The following TP53BP1 variants were observed in gnomAD, a reference collection of about 807,000 sequenced individuals.
The protein encoded by TP53BP1 is tumor protein p53 binding protein 1.
A neutral mutation model predicts 200.8 loss-of-function variants in TP53BP1; 61 were observed. The observed-to-expected ratio is 0.30, with a 90% CI of 0.25 to 0.38. The LOEUF is 0.38. Among genes scored for constraint, TP53BP1 ranks in the 10% least tolerant of loss-of-function variants. The probability of loss-of-function intolerance (pLI) is 1.00; values close to 1 mark genes in which losing one functional copy is unlikely to be tolerated. For synonymous variants in TP53BP1, 822 were observed against 844.3 expected (o/e 0.97, Z 0.46); for missense variants, 2,144 against 2,371.9 (o/e 0.90, Z 2.00).
chr15:43,468,826 G>A (rs183333755), intron 11 of TP53BP1, among the ~76,000 whole-genome samples: 2 of 152,266 alleles, frequency 1.3e-5, no homozygotes, highest in East Asian at 1.9e-4. Flanking sequence ...AGCCAGGAGC[G>A]AGTCCAGGAA....
In TP53BP1 at chr15:43,474,661, A is replaced by C. The variant is rs1278861197; in HGVS notation, c.1180+12T>G. 1.9e-6 allele frequency: 3 copies of C among 1,583,620 alleles called. No homozygotes were observed. Among genetic ancestry groups the C allele is most frequent in the Non-Finnish European group, 2.6e-6 (3 of 1,153,356 alleles). On this transcript the variant is annotated intron_variant, in intron 10 of 27. Coordinates refer to ENST00000382044, the MANE Select transcript of TP53BP1 (RefSeq NM_001141980.3). ...CTAATCTGAGATCAACAGACAGATC[A>C]AGAGAGCTCACCTTGTCTCCCTTCT...
intron 27 of TP53BP1, 96 bp from the exon 28 acceptor site, chr15:43,407,666 G>T: frequency 8.2e-7 from 1 of 1,212,674 alleles, no homozygotes; most frequent in Non-Finnish European, 1.1e-6. Flanking sequence ...ATCCCACTCT[G>T]CACAAACCAA....
At chr15:43,432,704 A>G (rs2045700532) in intron 16 of TP53BP1, 27 bp from the exon 17 acceptor site, 2 of 1,578,108 alleles carry the variant, frequency 1.3e-6, no homozygotes, top group South Asian at 1.2e-5. Context: ...TAAAGAAGCC[A>G]TGTCAATTAA....
At chr15:43,443,188 G>A (rs995968606) in intron 14 of TP53BP1, among the ~76,000 whole-genome samples, 2 of 151,276 alleles carry the variant, frequency 1.3e-5, no homozygotes, top group African/African-American at 4.9e-5. Flanking sequence ...GCCCATATAA[G>A]AAGTTAAAAA....
intron 12 of TP53BP1, among the ~76,000 whole-genome samples, chr15:43,449,109 A>G (rs893389402): frequency 1.3e-5 from 2 of 152,176 alleles, no homozygotes; most frequent in African/African-American, 4.8e-5. Flanking sequence ...CCTGGATGAC[A>G]GAGCGAGACC....
chr15:43,415,468 G>C, intron 23 of TP53BP1, 126 bp downstream of exon 23: 2 of 987,148 alleles, frequency 2.0e-6, no homozygotes, highest in East Asian at 2.5e-5. Flanking sequence ...TGTGGGCTTG[G>C]GCAGGACCCC....
chr15:43,485,352 C>T (rs947792377), intron 4 of TP53BP1, among the ~76,000 whole-genome samples: 6 of 151,288 alleles, frequency 4.0e-5, no homozygotes, highest in Non-Finnish European at 8.9e-5. Flanking sequence ...CTGAGGCGGG[C>T]GGATCACGAG....
intron 24 of TP53BP1, 45 bp downstream of exon 24, chr15:43,413,072 AAG>A (rs1251001938): frequency 6.3e-7 from 1 of 1,587,450 alleles, no homozygotes; most frequent in African/African-American, 1.3e-5. Flanking sequence ...CTGGAAAAGA[AAG>A]AAGTGCCTAT....
chr15:43,483,925 A>G (rs578227419), intron 4 of TP53BP1, among the ~76,000 whole-genome samples: 7 of 152,124 alleles, frequency 4.6e-5, no homozygotes, highest in Non-Finnish European at 8.8e-5. Flanking sequence ...CACCCACTTA[A>G]TGACCTCATC....
chr15:43,415,793 C>G lies in TP53BP1; in HGVS notation c.4890G>C (p.Gly1630=), dbSNP rs1163240448. ...TGACGTTACTGCGCCGTTTCCGCTTCCCTTCCACCAAATTGTCTATGGCAG... is the reference window on the plus strand; with the variant it reads ...TGACGTTACTGCGCCGTTTCCGCTTGCCTTCCACCAAATTGTCTATGGCAG... ...ADISLDNLVE[G]KRKRRSNVSS... Residue 1630 remains glycine, a synonymous_variant, in exon 23 of 28, where the codon GGG becomes GGC. Coordinates refer to ENST00000382044, the MANE Select transcript of TP53BP1 (RefSeq NM_001141980.3). 9.9e-6 allele frequency: 16 copies of G among 1,614,010 alleles called. No homozygotes were observed. Among genetic ancestry groups the G allele is most frequent in the Non-Finnish European group, 1.4e-5 (16 of 1,179,934 alleles).
chr15:43,475,443 G>A lies in TP53BP1; in HGVS notation c.1085+122C>T, dbSNP rs1359817888. On this transcript the variant is annotated intron_variant, in intron 9 of 27. Transcript: ENST00000382044. ...TTCATCCCCAAAGCTCTAATGCATAGGTTCTACCATTTGGTTTCAAAAAGA... is the reference window on the plus strand; with the variant it reads ...TTCATCCCCAAAGCTCTAATGCATAAGTTCTACCATTTGGTTTCAAAAAGA... 6.0e-6 allele frequency: 7 copies of A among 1,164,790 alleles called. No individual in the cohort carries two copies. The Admixed American group carries it at 1.1e-4, about 19-fold the overall frequency. The allele number at this position is 1,164,790 out of a possible 1,614,324, so 72.2% of individuals were successfully genotyped here.
chr15:43,481,714 C>T (rs2078970261), intron 4 of TP53BP1, among the ~76,000 whole-genome samples: 1 of 150,628 alleles, frequency 6.6e-6, no homozygotes, highest in South Asian at 2.1e-4. Flanking sequence ...ACTCAGGAGG[C>T]TGAGGCAGGA....
chr15:43,471,479 C>T (rs970404249), intron 10 of TP53BP1, among the ~76,000 whole-genome samples: 3 of 151,850 alleles, frequency 2.0e-5, no homozygotes, highest in Admixed American at 6.6e-5. Context: ...CAGGCTGCGA[C>T]GCAGTGGTGC....
At chr15:43,502,022 T>C (rs1271371663) in intron 1 of TP53BP1, among the ~76,000 whole-genome samples, 2 of 152,222 alleles carry the variant, frequency 1.3e-5, no homozygotes, top group Non-Finnish European at 1.5e-5. Flanking sequence ...AAAAACAGTT[T>C]TTGAAAATGA....
chr15:43,415,544 T>G, intron 23 of TP53BP1, 50 bp downstream of exon 23: 1 of 1,587,802 alleles, frequency 6.3e-7, no homozygotes, highest in South Asian at 1.1e-5. Flanking sequence ...CAGCTGACCC[T>G]GCATTCTGCC....
At chr15:43,473,268 T>C (rs2046772432) in intron 10 of TP53BP1, among the ~76,000 whole-genome samples, 1 of 152,200 alleles carries the variant, frequency 6.6e-6, no homozygotes. Flanking sequence ...GGGTTGCCAC[T>C]GCTGGCTCGG....
At position 43,504,720 on chromosome 15, in the gene TP53BP1, T is replaced by C. The variant is rs1031202235; in HGVS notation, c.-9+5650A>G. Among the ~76,000 whole-genome samples the C allele has an allele frequency of 4.6e-5, 7 of 152,226 alleles. 2 individuals are homozygous for C. The South Asian group carries it at 1.0e-3, about 23-fold the overall frequency. ...GGTTCAGACTGACTGAATAAAAAGG[T>C]TGATACAGGATATTTGCGGCCAGGC... is the stretch of plus-strand genomic sequence containing the variant. On this transcript the variant is annotated intron_variant, in intron 1 of 27. Coordinates refer to the TP53BP1 transcript ENST00000263801.
chr15:43,447,509 A>G (rs2046071270), intron 12 of TP53BP1, 24 bp from the exon 13 acceptor site: 1 of 1,467,406 alleles, frequency 6.8e-7, no homozygotes, highest in Non-Finnish European at 9.1e-7. Context: ...AAAAAAGAAA[A>G]AAGAAAGAAA....
Position 43,406,670 on chromosome 15 carries a change from G to GGAA in TP53BP1, c.*710_*712dup. The stretch of plus-strand genomic sequence containing the variant: ...CAGGGATCAGTGATGCCAGAGGAAG[G>GGAA]GAAGGAACTGCTTCCAGCTATTGTG... On this transcript the variant is annotated 3_prime_UTR_variant, in exon 28 of 28. Transcript: ENST00000382044. 1 of 450,850 alleles carries GGAA rather than the reference G, an allele frequency of 2.2e-6. No individual in the cohort carries two copies. The highest frequency in any genetic ancestry group is 4.4e-6 in the Non-Finnish European group (1 of 225,248). The allele number at this position is 450,850 out of a possible 1,614,324, so 27.9% of individuals were successfully genotyped here. A position where few individuals can be genotyped will look rare whatever the true frequency, so the allele number is the denominator to read the frequency against.
Sources: allele counts gnomAD v4.1 joint callset (sites outside exome capture counted in the v4.1 genomes callset), GRCh38; gene constraint gnomAD v4.1.1; transcripts MANE v1.5; gene names NCBI Gene and HGNC (gene_info 2026-07-23, HGNC 2026-07-21).